Variants in ERC2 observed in about 807,000 individuals in gnomAD.
ERC2 encodes the protein ERC protein 2.
ERC2 carries 42 observed loss-of-function variants against 114.8 expected under a neutral mutation model. That is an observed-to-expected ratio of 0.37 (90% CI 0.29 to 0.47). The LOEUF is 0.47. Among genes scored for constraint, ERC2 ranks in the 20% least tolerant of loss-of-function variants. The pLI is 0.99. For missense variants in ERC2, 939 were observed against 1,150.7 expected (o/e 0.82, Z 2.66); for synonymous variants, 454 against 425.5 (o/e 1.07, Z -0.82).
At chr3:55,615,743 G>A (rs953888077) in intron 17 of ERC2, among the ~76,000 whole-genome samples, 6 of 152,068 alleles carry the variant, frequency 3.9e-5, no homozygotes, top group Admixed American at 2.6e-4. Context: ...TGATATTTTC[G>A]GTGAAAATTA....
At chr3:56,202,928 G>C (rs780140310) in intron 3 of ERC2, among the ~76,000 whole-genome samples, 4 of 152,206 alleles carry the variant, frequency 2.6e-5, no homozygotes, top group Non-Finnish European at 4.4e-5. Context: ...AATATGGTAA[G>C]CTCAAGCTCT....
In ERC2 at chr3:56,299,120, T is replaced by G. The variant is rs1350064676; in HGVS notation, c.658-2685A>C. On this transcript the variant is annotated intron_variant, in intron 2 of 17. Transcript: ENST00000288221. ...AGTTTTTTTTTGTTTTTTTTTTTTGTTTTTTTTTTTGTTTGTTTGTTTTTT... is the reference window on the plus strand; with the variant it reads ...AGTTTTTTTTTGTTTTTTTTTTTTGGTTTTTTTTTTGTTTGTTTGTTTTTT... Among the ~76,000 whole-genome samples the G allele has an allele frequency of 3.5e-4, 42 of 119,622 alleles. 1 individual carries two copies. Among genetic ancestry groups the G allele is most frequent in the African/African-American group, 1.2e-3 (37 of 31,268 alleles). The allele number at this position is 119,622 out of a possible 152,430, so 78.5% of individuals were successfully genotyped here. A position where few individuals can be genotyped will look rare whatever the true frequency, so the allele number is the denominator to read the frequency against.
chr3:56,324,598 A>C (rs1405816945), intron 2 of ERC2, among the ~76,000 whole-genome samples: 1 of 152,104 alleles, frequency 6.6e-6, no homozygotes, highest in Non-Finnish European at 1.5e-5. Context: ...ACGGGCCTTC[A>C]TGCATCTTCA....
chr3:56,219,461 G>C (rs1405823098), intron 3 of ERC2, among the ~76,000 whole-genome samples: 2 of 152,042 alleles, frequency 1.3e-5, no homozygotes, highest in Non-Finnish European at 2.9e-5. Flanking sequence ...TAGGTGTATA[G>C]TGGTGAACAA....
intron 7 of ERC2, among the ~76,000 whole-genome samples, chr3:56,079,415 A>G (rs1375414686): frequency 6.6e-6 from 1 of 152,198 alleles, no homozygotes; most frequent in African/African-American, 2.4e-5. Flanking sequence ...AGTAAATGTC[A>G]GGTACCAAGA....
chr3:56,160,626 T>C (rs1267218363), intron 4 of ERC2, among the ~76,000 whole-genome samples: 1 of 152,232 alleles, frequency 6.6e-6, no homozygotes, highest in Non-Finnish European at 1.5e-5. Context: ...CATTTAAATA[T>C]TTAATCCATC....
At chr3:55,615,419 C>T (rs1018353528) in intron 17 of ERC2, among the ~76,000 whole-genome samples, 1 of 152,156 alleles carries the variant, frequency 6.6e-6, no homozygotes, top group Non-Finnish European at 1.5e-5. Context: ...GCTCTCCAAA[C>T]GCCATTGCCC....
At chr3:56,258,518 G>T (rs1267807424) in intron 3 of ERC2, among the ~76,000 whole-genome samples, 1 of 152,176 alleles carries the variant, frequency 6.6e-6, no homozygotes, top group Admixed American at 6.5e-5. Context: ...GCCGGGCGTG[G>T]TGGTGGGCCC....
chr3:55,879,480 A>G (rs913892676), intron 14 of ERC2, among the ~76,000 whole-genome samples: 7 of 151,944 alleles, frequency 4.6e-5, no homozygotes, highest in Non-Finnish European at 8.8e-5. Context: ...TGGACCTAAT[A>G]CCCCTTATAG....
intron 12 of ERC2, among the ~76,000 whole-genome samples, chr3:55,959,356 A>C (rs554972147): frequency 1.3e-5 from 2 of 152,344 alleles, no homozygotes; most frequent in Non-Finnish European, 2.9e-5. Flanking sequence ...AAATGTAAAC[A>C]GAACCCAGTG....
chr3:56,421,195 G>A (rs1008189627), intron 2 of ERC2, among the ~76,000 whole-genome samples: 5 of 152,240 alleles, frequency 3.3e-5, no homozygotes, highest in African/African-American at 4.8e-5. Flanking sequence ...GTTATAGACA[G>A]AGGTTAACAG....
intron 14 of ERC2, among the ~76,000 whole-genome samples, chr3:55,798,635 A>G (rs2070721559): frequency 6.6e-6 from 1 of 152,102 alleles, no homozygotes; most frequent in Non-Finnish European, 1.5e-5. Flanking sequence ...CACAGAGGAA[A>G]GATAGCCACT....
intron 14 of ERC2, among the ~76,000 whole-genome samples, chr3:55,788,523 C>T (rs1337785808): frequency 6.6e-6 from 1 of 152,162 alleles, no homozygotes; most frequent in African/African-American, 2.4e-5. Flanking sequence ...AGCCCCATTC[C>T]TCAATTCTCA....
chr3:55,549,350 T>G (rs2054983246), intron 17 of ERC2, among the ~76,000 whole-genome samples: 1 of 152,316 alleles, frequency 6.6e-6, no homozygotes, highest in Non-Finnish European at 1.5e-5. Context: ...CCAGAAATTC[T>G]TCTCTTCACC....
intron 17 of ERC2, among the ~76,000 whole-genome samples, chr3:55,681,624 A>G (rs2062058307): frequency 6.6e-6 from 1 of 152,262 alleles, no homozygotes; most frequent in Admixed American, 6.5e-5. Flanking sequence ...TAAAGGAGTC[A>G]TAAAGAAAGA....
chr3:56,153,293 T>C (rs1039664657), intron 4 of ERC2, among the ~76,000 whole-genome samples: 1 of 152,156 alleles, frequency 6.6e-6, no homozygotes, highest in Non-Finnish European at 1.5e-5. Flanking sequence ...CCTGGATCCA[T>C]GCTACTCAAA....
At chr3:56,287,025 T>C (rs974383462) in intron 3 of ERC2, among the ~76,000 whole-genome samples, 1 of 152,214 alleles carries the variant, frequency 6.6e-6, no homozygotes, top group African/African-American at 2.4e-5. Context: ...ATTGCCTTTT[T>C]AGCGCTCTAT....
chr3:56,157,975 A>T (rs569631846), intron 4 of ERC2, among the ~76,000 whole-genome samples: 32 of 152,258 alleles, frequency 2.1e-4, no homozygotes, highest in African/African-American at 7.5e-4. Flanking sequence ...TCCCTAAATA[A>T]ACGGTAGGCT....
chr3:55,533,782 G>T (rs148552022), intron 17 of ERC2, among the ~76,000 whole-genome samples: 1 of 152,296 alleles, frequency 6.6e-6, no homozygotes, highest in African/African-American at 2.4e-5. Context: ...TCACATGCCC[G>T]CACTTCACCC....
Sources: allele counts gnomAD v4.1 joint callset (sites outside exome capture counted in the v4.1 genomes callset), GRCh38; gene constraint gnomAD v4.1.1; transcripts MANE v1.5; gene names NCBI Gene and HGNC (gene_info 2026-07-23, HGNC 2026-07-21).